The following HELZ2 variants were observed in gnomAD, a reference collection of about 807,000 sequenced individuals.
HELZ2 encodes the protein 3'-5' exoribonuclease HELZ2.
Under a neutral mutation model 208.8 loss-of-function variants are expected in HELZ2, and 143 were observed. The ratio of observed to expected loss-of-function variants is 0.68; its 90% confidence interval spans 0.60 to 0.79. HELZ2 has a LOEUF of 0.79. HELZ2 is among the 30% of genes least tolerant of loss of function. The pLI, the probability that HELZ2 is intolerant of heterozygous loss-of-function variation, is 0.00. For missense variants in HELZ2, 3,690 were observed against 3,794.5 expected, an observed-to-expected ratio of 0.97 and a Z score of 0.72; for synonymous variants, 1,705 against 1,693.7, an observed-to-expected ratio of 1.01 and a Z score of -0.16.
At chr20:63,564,106 G>A (rs762200239) in exon 8 of HELZ2, 2 of 1,610,254 alleles carry the variant, frequency 1.2e-6, no homozygotes, top group Middle Eastern at 1.7e-4. Context: ...GGGGCACCCG[G>A]TCCCCATGCT....
At position 63,569,700 on chromosome 20, in the gene HELZ2, G is replaced by A. The variant is rs547729888; in HGVS notation, c.571-35C>T. 1.4e-5 allele frequency: 21 copies of A among 1,480,972 alleles called. No individual in the cohort carries two copies. The South Asian group carries it at 2.6e-4, about 19-fold the overall frequency. 91.7% of individuals were successfully genotyped at this position (1,480,972 alleles called of 1,614,324 possible). On this transcript the variant is annotated intron_variant, in intron 3 of 18. Coordinates refer to ENST00000467148, the Ensembl canonical transcript of HELZ2. ...AGGCCAGACGGTGAGGGGGGCCCAG[G>A]GCTCCCCCCAACCCTCCCGAGAGGC... is the stretch of plus-strand genomic sequence containing the variant.
At chr20:63,560,362 G>A in intron 16 of HELZ2, 35 bp from the exon 18 acceptor site, 1 of 1,522,286 alleles carries the variant, frequency 6.6e-7, no homozygotes, top group Non-Finnish European at 8.7e-7. Context: ...AGCGGACCCT[G>A]GTGTCTCTCC....
Position 63,566,003 on chromosome 20 carries a change from C to T in HELZ2, c.2819G>A (p.Ser940Asn), listed in dbSNP as rs867006970. ...CATGGACAGGCCCTCGGGGCAGACACTGTGCCGCTCCACGCACTCACGGAT... is the reference window on the plus strand; with the variant it reads ...CATGGACAGGCCCTCGGGGCAGACATTGTGCCGCTCCACGCACTCACGGAT... Residue 940 changes from serine to asparagine, a missense_variant, in exon 8 of 19, where the codon AGT (serine) becomes AAT (asparagine). This residue lies in a region of HELZ2 where 2,564 missense variants were observed against 2,580.5 expected (regional missense o/e 0.99). Coordinates refer to ENST00000467148, the Ensembl canonical transcript of HELZ2. 1.9e-6 allele frequency: 3 copies of T among 1,597,322 alleles called. No individual in the cohort carries two copies. The African/African-American group carries it at 4.0e-5, about 21-fold the overall frequency.
exon 8 of HELZ2, chr20:63,563,560 G>A: frequency 6.6e-7 from 1 of 1,521,506 alleles, no homozygotes; most frequent in Non-Finnish European, 8.8e-7. Context: ...AGAGCAGCCG[G>A]AAGCAGCGGG....
At chr20:63,561,540 C>T in intron 12 of HELZ2, 61 bp downstream of exon 13, 1 of 1,578,134 alleles carries the variant, frequency 6.3e-7, no homozygotes, top group Non-Finnish European at 8.6e-7. Flanking sequence ...GACCCACCTA[C>T]ACAGGACTGT....
At chr20:63,561,717 C>A in exon 12 of HELZ2, 1 of 1,609,554 alleles carries the variant, frequency 6.2e-7, no homozygotes. Context: ...CACGGAGGGG[C>A]TTCAGCTCCA....
At chr20:63,571,104 C>G in intron 1 of HELZ2, 1 of 489,226 alleles carries the variant, frequency 2.0e-6, no homozygotes. Flanking sequence ...GGCAGGGAGG[C>G]CCCCGTCCAC....
chr20:63,565,396 C>G lies in HELZ2; in HGVS notation c.3426G>C (p.Ala1142=), dbSNP rs200970369. ...AGGCATCGTCCAGCGGGATGGCTGA[C>G]GCCCGCTCGAAGGTCTCTGGCACGA... The change falls in exon 8 of 19, where the codon GCG becomes GCC. Residue 1142 remains alanine, a synonymous_variant. Transcript: ENST00000467148. 1.9e-6 allele frequency: 3 copies of G among 1,609,846 alleles called. No individual in the cohort carries two copies. In the African/African-American group the frequency reaches 4.0e-5, roughly 21 times the overall value.
At chr20:63,567,452 C>A in exon 6 of HELZ2, 1 of 1,558,786 alleles carries the variant, frequency 6.4e-7, no homozygotes, top group Non-Finnish European at 8.7e-7. Context: ...GCCAGCTCTG[C>A]CCGTGTGGGC....
downstream of HELZ2, chr20:63,559,079 G>A (rs2082846725): frequency 4.1e-6 from 3 of 723,344 alleles, no homozygotes; most frequent in Non-Finnish European, 6.6e-6. Flanking sequence ...GTGGGGACCG[G>A]CCCTTGCCGT....
chr20:63,562,471 G>C (rs774879412), intron 8 of HELZ2, 49 bp downstream of exon 9: 1 of 1,526,410 alleles, frequency 6.6e-7, no homozygotes, highest in Non-Finnish European at 8.8e-7. Context: ...GCAAGTGAGG[G>C]GCCCGGGGCG....
chr20:63,567,560 G>A (rs1248072780), exon 6 of HELZ2: 1 of 1,582,864 alleles, frequency 6.3e-7, no homozygotes, highest in South Asian at 1.1e-5. Context: ...ACACGGAGAG[G>A]AGTGGCCTCG....
chr20:63,569,728 C>G (rs2083000281), intron 3 of HELZ2, 63 bp from the exon 5 acceptor site: 1 of 1,436,420 alleles, frequency 7.0e-7, no homozygotes, highest in Non-Finnish European at 9.1e-7. Flanking sequence ...CGAGAGGCAG[C>G]CTGGCCAGCG....
In HELZ2 at chr20:63,565,455, G is replaced by C. The variant is rs772698517; in HGVS notation, c.3367C>G (p.His1123Asp). The stretch of plus-strand genomic sequence containing the variant: ...TGGCGGTACCGCTCGGGCTCCGCGT[G>C]CAGCAGCTTCCGTAGCGCAGCCGGG... Residue 1123 changes from histidine (H) to aspartate (D), a missense_variant, in exon 8 of 19, where the codon CAC (histidine) becomes GAC (aspartate). This residue lies in a region of HELZ2 where 2,564 missense variants were observed against 2,580.5 expected (regional missense o/e 0.99). Coordinates refer to ENST00000467148, the Ensembl canonical transcript of HELZ2. 1.9e-6 allele frequency: 3 copies of C among 1,608,732 alleles called. No individual in the cohort carries two copies. The East Asian group carries it at 6.7e-5, about 36-fold the overall frequency.
exon 8 of HELZ2, chr20:63,564,609 G>C: frequency 1.3e-6 from 2 of 1,568,516 alleles, no homozygotes; most frequent in Non-Finnish European, 1.7e-6. Flanking sequence ...GGCAGCATGG[G>C]CACTGGCTCC....
At chr20:63,559,301 G>A (rs2082850567) in exon 19 of HELZ2, 1 of 1,598,856 alleles carries the variant, frequency 6.3e-7, no homozygotes, top group Non-Finnish European at 8.5e-7. Flanking sequence ...AGGCACGAGG[G>A]TCTGCTGAGC....
chr20:63,561,096 G>A (rs1249427150), exon 14 of HELZ2: 1 of 1,611,690 alleles, frequency 6.2e-7, no homozygotes, highest in East Asian at 2.2e-5. Flanking sequence ...TCGGCCTGTG[G>A]GAACTGCACC....
chr20:63,561,904 G>A lies in HELZ2; in HGVS notation c.6610C>T (p.Pro2204Ser), dbSNP rs776791485. 6.3e-6 allele frequency: 10 copies of A among 1,583,724 alleles called. No individual in the cohort carries two copies. In the African/African-American group the frequency reaches 1.2e-4, roughly 19 times the overall value. Residue 2204 changes from proline (P) to serine (S), a missense_variant, in exon 11 of 19, where the codon CCC becomes TCC. Physicochemically the swap from Pro to Ser is moderately conservative, Grantham distance 74. Around this residue, in one of 3 missense-constraint regions of HELZ2, gnomAD observed 2,564 missense variants for 2,580.5 expected, o/e 0.99. Transcript: ENST00000467148. ...CCCAGCCGCTTCTCCCCACGGGGGG[G>A]GCCTCCGGGCTGCACCTGCTCCTGG... is the stretch of plus-strand genomic sequence containing the variant.
At chr20:63,565,570 C>T (rs1027254207) in exon 8 of HELZ2, 6 of 1,608,558 alleles carry the variant, frequency 3.7e-6, no homozygotes, top group Non-Finnish European at 5.1e-6. Context: ...TCACCATCAC[C>T]TTCTGGCTCT....
Sources: gnomAD v4.1 joint callset for allele counts on GRCh38, gnomAD v4.1.1 for gene constraint, gnomAD v4.1.1 regional missense constraint, MANE v1.5 for transcripts, NCBI Gene and HGNC (gene_info 2026-07-23, HGNC 2026-07-21) for gene names.